CBLB: variants seen among roughly 807,000 people sequenced by gnomAD.
The protein encoded by CBLB is E3 ubiquitin-protein ligase CBL-B.
Under a neutral mutation model 104.9 loss-of-function variants are expected in CBLB, and 31 were observed. The observed-to-expected ratio is 0.30, with a 90% CI of 0.22 to 0.40. The LOEUF (loss-of-function observed/expected upper bound fraction) is 0.40, where lower values mean the gene tolerates loss of function less well. Among genes scored for constraint, CBLB ranks in the 10% least tolerant of loss-of-function variants. CBLB has a pLI of 1.00. For missense variants in CBLB, 1,062 were observed against 1,214.6 expected (o/e 0.87, Z 1.87); for synonymous variants, 440 against 422.6 (o/e 1.04, Z -0.51).
intron 12 of CBLB, among the ~76,000 whole-genome samples, chr3:105,701,751 G>A (rs1392694174): frequency 3.0e-5 from 4 of 132,692 alleles, no homozygotes; most frequent in African/African-American, 1.1e-4. Context: ...GGGCAAGAGC[G>A]AGGCTTCGTC....
chr3:105,671,156 A>C (rs1194049754), intron 17 of CBLB: 2 of 194,332 alleles, frequency 1.0e-5, no homozygotes, highest in South Asian at 1.9e-4. Flanking sequence ...AACTGGTTTA[A>C]CATTCATAGT....
intron 3 of CBLB, among the ~76,000 whole-genome samples, chr3:105,786,065 G>GGGGGGC (rs1553794737): frequency 1.4e-5 from 2 of 139,188 alleles, no homozygotes; most frequent in African/African-American, 2.7e-5. Flanking sequence ...GAGGATCGGG[G>GGGGGGC]GGGGGAAAGT....
chr3:105,825,164 T>G (rs575981101), intron 3 of CBLB, among the ~76,000 whole-genome samples: 1 of 152,294 alleles, frequency 6.6e-6, no homozygotes, highest in African/African-American at 2.4e-5. Context: ...CAAACAAGGT[T>G]GGCACACTGA....
chr3:105,695,872 T>C (rs1159661488), intron 12 of CBLB, among the ~76,000 whole-genome samples: 1 of 151,718 alleles, frequency 6.6e-6, no homozygotes, highest in African/African-American at 2.4e-5. Flanking sequence ...GCATATGCCT[T>C]ACAGTGCTTT....
intron 2 of CBLB, among the ~76,000 whole-genome samples, chr3:105,866,786 ACCCCCAAC>A (rs1331469272): frequency 1.3e-5 from 2 of 152,078 alleles, no homozygotes; most frequent in Non-Finnish European, 2.9e-5. Context: ...CAGCCTCACC[ACCCCCAAC>A]ATAAATTTTC....
At chr3:105,799,158 G>A (rs1251535463) in intron 3 of CBLB, among the ~76,000 whole-genome samples, 1 of 141,296 alleles carries the variant, frequency 7.1e-6, no homozygotes, top group Non-Finnish European at 1.5e-5. Flanking sequence ...AGAAACACAT[G>A]GTAAATAATG....
intron 3 of CBLB, among the ~76,000 whole-genome samples, chr3:105,788,334 GA>G (rs1421943957): frequency 2.0e-5 from 3 of 151,924 alleles, no homozygotes; most frequent in Non-Finnish European, 2.9e-5. Context: ...TTACAACGGT[GA>G]AAAGCTCCAG....
At chr3:105,826,064 A>G (rs1438236884) in intron 3 of CBLB, among the ~76,000 whole-genome samples, 1 of 126,314 alleles carries the variant, frequency 7.9e-6, no homozygotes, top group Non-Finnish European at 1.8e-5. Flanking sequence ...CGTCAAGCAC[A>G]CTGGAGTTTG....
chr3:105,773,589 C>T (rs1213177687), intron 4 of CBLB, among the ~76,000 whole-genome samples: 2 of 152,176 alleles, frequency 1.3e-5, no homozygotes, highest in Admixed American at 6.5e-5. Context: ...AGTCTAATCA[C>T]ATTGATGTGC....
At chr3:105,762,492 T>C (rs1211159217) in intron 4 of CBLB, 1 of 152,298 alleles carries the variant, frequency 6.6e-6, no homozygotes, top group African/African-American at 2.4e-5. Context: ...CAGCCATGGC[T>C]ATAAGGGGCC....
chr3:105,725,296 T>A (rs2073446090), intron 9 of CBLB, among the ~76,000 whole-genome samples: 1 of 152,256 alleles, frequency 6.6e-6, no homozygotes, highest in Non-Finnish European at 1.5e-5. Flanking sequence ...AATTTAAAAT[T>A]TTAATGCATG....
chr3:105,854,167 T>TA (rs1188686341), intron 2 of CBLB, among the ~76,000 whole-genome samples: 1 of 152,172 alleles, frequency 6.6e-6, no homozygotes, highest in Non-Finnish European at 1.5e-5. Context: ...ACTGAGTTAT[T>TA]AAGTAGTAAA....
intron 4 of CBLB, among the ~76,000 whole-genome samples, chr3:105,762,772 CCA>C (rs1198639024): frequency 1.3e-5 from 2 of 152,300 alleles, no homozygotes; most frequent in Non-Finnish European, 1.5e-5. Flanking sequence ...GCTGAAGCCC[CCA>C]CACAGAGTCT....
At chr3:105,804,630 T>C (rs1298884889) in intron 3 of CBLB, among the ~76,000 whole-genome samples, 1 of 152,190 alleles carries the variant, frequency 6.6e-6, no homozygotes, top group African/African-American at 2.4e-5. Flanking sequence ...TAAAATTCAT[T>C]ATATTTGCTT....
intron 3 of CBLB, among the ~76,000 whole-genome samples, chr3:105,815,262 T>C (rs1034127643): frequency 1.3e-5 from 2 of 152,158 alleles, no homozygotes; most frequent in Non-Finnish European, 2.9e-5. Flanking sequence ...CTACTCTTTA[T>C]TGAATGAATG....
chr3:105,714,763 A>G (rs2071603319), intron 10 of CBLB, among the ~76,000 whole-genome samples: 1 of 152,166 alleles, frequency 6.6e-6, no homozygotes, highest in African/African-American at 2.4e-5. Flanking sequence ...TGCTATAGAG[A>G]CGTTCTTCAC....
chr3:105,712,193 G>A (rs776232358), intron 10 of CBLB, among the ~76,000 whole-genome samples: 3 of 152,030 alleles, frequency 2.0e-5, no homozygotes, highest in Non-Finnish European at 4.4e-5. Flanking sequence ...TTAAAGTTTT[G>A]TATTTTACTT....
In CBLB at chr3:105,868,933, G is replaced by A. The variant is rs895911372; in HGVS notation, c.-212C>T. ...TTACCGTCAAGACAAATCCACACCC[G>A]CTCTCCCCTCCCGCCCGACTCGGGG... On this transcript the variant is annotated 5_prime_UTR_variant, in exon 1 of 19. Coordinates refer to ENST00000394030, the MANE Select transcript of CBLB (RefSeq NM_170662.5). 2.0e-6 allele frequency: 2 copies of A among 1,021,920 alleles called. No individual in the cohort carries two copies. Among genetic ancestry groups the A allele is most frequent in the African/African-American group, 3.5e-5 (2 of 57,464 alleles). The allele number at this position is 1,021,920 out of a possible 1,614,324, so 63.3% of individuals were successfully genotyped here.
intron 4 of CBLB, among the ~76,000 whole-genome samples, chr3:105,770,856 T>C (rs1294169467): frequency 6.6e-6 from 1 of 152,128 alleles, no homozygotes; most frequent in East Asian, 1.9e-4. Context: ...CTGGGTAAGG[T>C]TTACTGCCAC....
Sources: allele counts gnomAD v4.1 joint callset (sites outside exome capture counted in the v4.1 genomes callset), GRCh38; gene constraint gnomAD v4.1.1; transcripts MANE v1.5; gene names NCBI Gene and HGNC (gene_info 2026-07-23, HGNC 2026-07-21).